Variants in CACNA1I observed in about 807,000 individuals in gnomAD.
CACNA1I encodes calcium voltage-gated channel subunit alpha1 I.
Under a neutral mutation model 201.6 loss-of-function variants are expected in CACNA1I, and 74 were observed. That is an observed-to-expected ratio of 0.37 (90% CI 0.30 to 0.45). CACNA1I has a LOEUF of 0.45. CACNA1I is among the 20% of genes least tolerant of loss of function. CACNA1I has a pLI of 1.00. For synonymous variants in CACNA1I, 1,431 were observed against 1,345.2 expected (o/e 1.06, Z -1.40); for missense variants, 2,346 against 3,138.1 (o/e 0.75, Z 6.03).
intron 3 of CACNA1I, among the ~76,000 whole-genome samples, chr22:39,609,050 A>T (rs1339216913): frequency 2.0e-5 from 3 of 150,612 alleles, no homozygotes; most frequent in South Asian, 2.1e-4. Flanking sequence ...CATCAGTGGG[A>T]CTTCAAAAGG....
At chr22:39,663,342 C>T (rs1308977965) in intron 18 of CACNA1I, among the ~76,000 whole-genome samples, 21 of 152,116 alleles carry the variant, frequency 1.4e-4, no homozygotes, top group Non-Finnish European at 4.4e-5. Context: ...AGGTGGCATT[C>T]CAGTAGGCAC....
At chr22:39,636,098 G>C (rs1934211481) in intron 5 of CACNA1I, among the ~76,000 whole-genome samples, 1 of 152,192 alleles carries the variant, frequency 6.6e-6, no homozygotes, top group Non-Finnish European at 1.5e-5. Flanking sequence ...AGGAATAAGT[G>C]AGTAAGTGGA....
Position 39,665,671 on chromosome 22 carries a change from A to G in CACNA1I, c.3978+47A>G. 6.3e-7 allele frequency: 1 copy of G among 1,598,344 alleles called. No individual in the cohort carries two copies. Among genetic ancestry groups the G allele is most frequent in the Non-Finnish European group, 8.6e-7 (1 of 1,168,614 alleles). The stretch of plus-strand genomic sequence containing the variant: ...CAGGGACTGGGCTCTGTGACTGGGG[A>G]AAAGGAAGTCTCAGACAGCCAGGGG... On this transcript the variant is annotated intron_variant, in intron 22 of 36. Coordinates refer to ENST00000402142, the MANE Select transcript of CACNA1I (RefSeq NM_021096.4). The surrounding 1 kb of genome is among the most constrained non-coding windows in gnomAD (Gnocchi z 5.5).
intron 1 of CACNA1I, among the ~76,000 whole-genome samples, chr22:39,579,638 C>G (rs1000865487): frequency 2.3e-5 from 3 of 130,378 alleles, no homozygotes; most frequent in African/African-American, 6.5e-5. Context: ...GTGCAAGGCT[C>G]TTTCAAGCTC....
At position 39,647,943 on chromosome 22, in the gene CACNA1I, G is replaced by A. The variant is rs1263884746; in HGVS notation, c.1567+17G>A. On this transcript the variant is annotated intron_variant, in intron 9 of 36. Coordinates refer to ENST00000402142, the MANE Select transcript of CACNA1I (RefSeq NM_021096.4). Reference sequence around the variant, plus strand: ...CGGGAAGAGGCAAGCCAGGGCCACGGGAGGTGGGCCCTGCCCCCAGCCCCA... The same window carrying A: ...CGGGAAGAGGCAAGCCAGGGCCACGAGAGGTGGGCCCTGCCCCCAGCCCCA... 1 of 1,607,588 alleles carries A rather than the reference G, an allele frequency of 6.2e-7. No individual in the cohort carries two copies. Among genetic ancestry groups the A allele is most frequent in the South Asian group, 1.1e-5 (1 of 90,946 alleles).
Position 39,685,817 on chromosome 22 carries a change from G to A in CACNA1I, c.6084G>A (p.Leu2028=). Residue 2028 remains leucine (L), a synonymous_variant, in exon 37 of 37, where the codon CTG becomes CTA. Transcript: ENST00000402142. This position sits in a 1 kb window ranked among gnomAD's most constrained non-coding sequence, Gnocchi z 5.0. ...GCCCCAGCAGCTCCGCGGGCAGCCT[G>A]CAGACCACGCTCGAGGACAGCCTGA... is the stretch of plus-strand genomic sequence containing the variant. The part of the protein sequence containing the change: ...DASPSSSAGS[L]QTTLEDSLTL... 1 of 1,496,900 alleles carries A rather than the reference G, an allele frequency of 6.7e-7. No individual in the cohort carries two copies. The highest frequency in any genetic ancestry group is 8.8e-7 in the Non-Finnish European group (1 of 1,130,776). The allele number at this position is 1,496,900 out of a possible 1,614,324, so 92.7% of individuals were successfully genotyped here.
intron 3 of CACNA1I, among the ~76,000 whole-genome samples, chr22:39,615,775 C>G (rs1933515165): frequency 6.6e-6 from 1 of 152,118 alleles, no homozygotes; most frequent in African/African-American, 2.4e-5. Context: ...GGAGATGCGG[C>G]CACCGCAGAA....
chr22:39,673,813 A>G, intron 28 of CACNA1I, 150 bp from the exon 29 acceptor site: 1 of 680,708 alleles, frequency 1.5e-6, no homozygotes, highest in Non-Finnish European at 2.5e-6. Flanking sequence ...CTGCACCCAC[A>G]TTCTTGTAAT....
At chr22:39,651,303 C>T (rs1037313834) in intron 10 of CACNA1I, among the ~76,000 whole-genome samples, 2 of 152,216 alleles carry the variant, frequency 1.3e-5, no homozygotes, top group Non-Finnish European at 2.9e-5. Flanking sequence ...CATGCCGCAC[C>T]CCATGGGGCC....
intron 25 of CACNA1I, 28 bp from the exon 26 acceptor site, chr22:39,670,775 T>C: frequency 6.2e-7 from 1 of 1,613,318 alleles, no homozygotes; most frequent in Middle Eastern, 1.7e-4. Flanking sequence ...CTCTGTGGTC[T>C]TTGCCACTCC....
chr22:39,618,504 A>T (rs929602487), intron 3 of CACNA1I, among the ~76,000 whole-genome samples: 1 of 151,222 alleles, frequency 6.6e-6, no homozygotes, highest in Non-Finnish European at 1.5e-5. Flanking sequence ...CGGGTGGGGG[A>T]TGGATGGTGG....
At chr22:39,590,927 C>T (rs1329329844) in intron 1 of CACNA1I, among the ~76,000 whole-genome samples, 1 of 152,146 alleles carries the variant, frequency 6.6e-6, no homozygotes, top group East Asian at 1.9e-4. Flanking sequence ...CTCACAGCGA[C>T]CTTCAGCTCC....
At chr22:39,610,531 C>T (rs571077244) in intron 3 of CACNA1I, among the ~76,000 whole-genome samples, 2 of 152,246 alleles carry the variant, frequency 1.3e-5, no homozygotes, top group South Asian at 2.1e-4. Context: ...GGGGAAGTCA[C>T]CAGAGATTCT....
rs1234644188 is a variant in CACNA1I at position 39,648,530 on chromosome 22, G to T, written c.1567+604G>T. On this transcript the variant is annotated intron_variant, in intron 9 of 36. Transcript: ENST00000402142. The surrounding 1 kb of genome is among the most constrained non-coding windows in gnomAD (Gnocchi z 5.4). Reference sequence around the variant, plus strand: ...AAGGGCTTTGGGCCTGTCCTCCGGGGTGAGATGGGACTGACCCCTGGGTTC... The same window carrying T: ...AAGGGCTTTGGGCCTGTCCTCCGGGTTGAGATGGGACTGACCCCTGGGTTC... Among the ~76,000 whole-genome samples, 1 of 152,132 alleles carries T rather than the reference G, an allele frequency of 6.6e-6. No homozygotes were observed. Among genetic ancestry groups the T allele is most frequent in the Admixed American group, 6.5e-5 (1 of 15,286 alleles).
chr22:39,633,367 A>G (rs1003679706), intron 4 of CACNA1I, among the ~76,000 whole-genome samples: 5 of 152,192 alleles, frequency 3.3e-5, no homozygotes, highest in African/African-American at 9.6e-5. Flanking sequence ...AAGACGAGAT[A>G]TTGATATGGA....
At chr22:39,574,514 T>C (rs1481769568) in intron 1 of CACNA1I, among the ~76,000 whole-genome samples, 1 of 152,028 alleles carries the variant, frequency 6.6e-6, no homozygotes, top group Admixed American at 6.5e-5. Context: ...CTGAAGCCTC[T>C]AGGATTCTTT....
chr22:39,663,949 G>A (rs1935103554), intron 19 of CACNA1I, 108 bp downstream of exon 19: 2 of 1,548,236 alleles, frequency 1.3e-6, no homozygotes, highest in Non-Finnish European at 1.8e-6. Flanking sequence ...AGGACAGGAA[G>A]TTTGCCTTTG....
Position 39,642,803 on chromosome 22 carries a change from A to G in CACNA1I, c.1063A>G (p.Thr355Ala). The G allele has an allele frequency of 1.9e-6, 3 of 1,609,018 alleles. No homozygotes were observed. The highest frequency in any genetic ancestry group is 2.5e-6 in the Non-Finnish European group (3 of 1,177,438). Residue 355 changes from threonine (T) to alanine (A), a missense_variant, in exon 7 of 37, where the codon ACT becomes GCT. By Grantham distance (58) the Thr-to-Ala change is moderately conservative (BLOSUM62 0). Coordinates refer to ENST00000402142, the MANE Select transcript of CACNA1I (RefSeq NM_021096.4). ...TCTCCTCTGCGCGCTGCAGGTGATC[A>G]CTCTGGAAGGCTGGGTGGAGATCAT... ...YAWIVIFQVI[T>A]LEGWVEIMYY...
Position 39,672,259 on chromosome 22 carries a change from G to T in CACNA1I, c.4600G>T (p.Ala1534Ser), listed in dbSNP as rs753843385. Residue 1534 changes from alanine to serine, a missense_variant, in exon 27 of 37, where the codon GCT becomes TCT. Ala to Ser is a moderately conservative substitution (Grantham distance 99). This residue lies in a region of CACNA1I where 228 missense variants were observed against 395.7 expected (regional missense o/e 0.58). Coordinates refer to ENST00000402142, the MANE Select transcript of CACNA1I (RefSeq NM_021096.4). ...YMFTTVFVLE[A>S]VLKLVAFGLR... ...GTTCACCACTGTCTTTGTGCTGGAG[G>T]CTGTGCTGAAGCTGGTGGCATTTGG... 1.2e-6 allele frequency: 2 copies of T among 1,613,816 alleles called. No individual in the cohort carries two copies. Among genetic ancestry groups the T allele is most frequent in the Admixed American group, 3.3e-5 (2 of 60,018 alleles).
Sources: gnomAD v4.1 joint callset for allele counts (sites outside exome capture counted in the v4.1 genomes callset) on GRCh38, gnomAD v4.1.1 for gene constraint, gnomAD v4.1.1 regional missense constraint, Gnocchi (gnomAD v3.1) non-coding constraint, MANE v1.5 for transcripts, NCBI Gene and HGNC (gene_info 2026-07-23, HGNC 2026-07-21) for gene names.